The following RAMP1 variants were observed in gnomAD, a reference collection of about 807,000 sequenced individuals.
RAMP1 encodes the protein receptor activity-modifying protein 1.
A neutral mutation model predicts 8.2 loss-of-function variants in RAMP1; 7 were observed. That is an observed-to-expected ratio of 0.85 (90% CI 0.49 to 1.60). RAMP1 has a LOEUF of 1.60. Ranked by LOEUF, RAMP1 falls within the 40% of genes most tolerant of loss-of-function variation. The probability of loss-of-function intolerance (pLI) is 0.00; values close to 1 mark genes in which losing one functional copy is unlikely to be tolerated. For missense variants in RAMP1, 192 were observed against 202.4 expected (o/e 0.95, Z 0.31); for synonymous variants, 92 against 84.7 (o/e 1.09, Z -0.47).
intron 2 of RAMP1, among the ~76,000 whole-genome samples, chr2:237,910,328 TACAGAGAATAACACAGTCACACACAC>T (rs1169907348): frequency 1.4e-5 from 2 of 143,978 alleles, no homozygotes; most frequent in Non-Finnish European, 3.0e-5. Flanking sequence ...GGGACACACA[TACAGAGAATAACACAGTCACACACAC>T]ACACAATCAC....
chr2:237,877,977 G>A lies in RAMP1; in HGVS notation c.191+615G>A, dbSNP rs2062327089. 1.0e-6 allele frequency: 1 copy of A among 985,314 alleles called. No individual in the cohort carries two copies. Among genetic ancestry groups the A allele is most frequent in the Admixed American group, 6.1e-5 (1 of 16,274 alleles). The allele number at this position is 985,314 out of a possible 1,614,324, so 61.0% of individuals were successfully genotyped here. A position where few individuals can be genotyped will look rare whatever the true frequency, so the allele number is the denominator to read the frequency against. On this transcript the variant is annotated intron_variant, in intron 2 of 2. Coordinates refer to ENST00000254661, the MANE Select transcript of RAMP1 (RefSeq NM_005855.4). The surrounding 1 kb of genome is among the most constrained non-coding windows in gnomAD (Gnocchi z 4.4). ...GCTGGGCCCCCATCAGCAGGCCGGG[G>A]GGTTCTCCCCAGCAGGCCCAGGCTC... is the stretch of plus-strand genomic sequence containing the variant.
chr2:237,891,393 G>A (rs545695036), intron 2 of RAMP1, among the ~76,000 whole-genome samples: 3 of 152,140 alleles, frequency 2.0e-5, no homozygotes, highest in African/African-American at 7.2e-5. Flanking sequence ...CTCGTGATCC[G>A]CCTGCCTCGG....
chr2:237,885,609 T>A (rs2062420020), intron 2 of RAMP1, among the ~76,000 whole-genome samples: 1 of 152,218 alleles, frequency 6.6e-6, no homozygotes, highest in African/African-American at 2.4e-5. Flanking sequence ...CAGATGGCAG[T>A]GCCCAGCACA....
chr2:237,901,498 G>A (rs901592965), intron 2 of RAMP1, among the ~76,000 whole-genome samples: 1 of 152,246 alleles, frequency 6.6e-6, no homozygotes, highest in Non-Finnish European at 1.5e-5. Context: ...GGGTGGCCTT[G>A]TGAAGATGAG....
intron 2 of RAMP1, among the ~76,000 whole-genome samples, chr2:237,904,493 A>G (rs1409304510): frequency 1.3e-5 from 2 of 152,210 alleles, no homozygotes; most frequent in African/African-American, 4.8e-5. Context: ...CTGTAATCCC[A>G]GCTATTCTGG....
chr2:237,875,164 A>T (rs997565399), intron 1 of RAMP1, among the ~76,000 whole-genome samples: 5 of 151,898 alleles, frequency 3.3e-5, no homozygotes, highest in African/African-American at 1.2e-4. Context: ...GGGCTTTCCT[A>T]GGGGGCATCT....
intron 1 of RAMP1, among the ~76,000 whole-genome samples, chr2:237,872,059 A>G (rs1455729992): frequency 6.6e-6 from 1 of 152,254 alleles, no homozygotes; most frequent in Non-Finnish European, 1.5e-5. Flanking sequence ...TACTACAGTC[A>G]CGACCATCTT....
Position 237,911,033 on chromosome 2 carries a change from CTG to C in RAMP1, c.192-493_192-492del, listed in dbSNP as rs374720436. Among the ~76,000 whole-genome samples the C allele has an allele frequency of 4.5e-3, 679 of 152,168 alleles. 10 individuals are homozygous for C. Among genetic ancestry groups the C allele is most frequent in the African/African-American group, 0.015 (613 of 41,530 alleles). On this transcript the variant is annotated intron_variant, in intron 2 of 2. Coordinates refer to ENST00000254661, the MANE Select transcript of RAMP1 (RefSeq NM_005855.4). ...ACACACGGTCACACAGAGAATAACA[CTG>C]TCACACATTGAATAACAGTCACACA...
At chr2:237,875,469 C>T (rs2062293149) in intron 1 of RAMP1, among the ~76,000 whole-genome samples, 1 of 151,986 alleles carries the variant, frequency 6.6e-6, no homozygotes, top group Non-Finnish European at 1.5e-5. Flanking sequence ...CAATGCTGGG[C>T]ACTCATGCCA....
intron 2 of RAMP1, among the ~76,000 whole-genome samples, chr2:237,901,144 A>G (rs1252135687): frequency 2.0e-5 from 3 of 152,246 alleles, no homozygotes; most frequent in Non-Finnish European, 4.4e-5. Flanking sequence ...GGCCTGGGCC[A>G]GGTCTGCTGG....
chr2:237,905,496 G>A (rs1440832610), intron 2 of RAMP1, among the ~76,000 whole-genome samples: 4 of 152,198 alleles, frequency 2.6e-5, no homozygotes, highest in South Asian at 2.1e-4. Context: ...TGGCCTCGGC[G>A]TGGGTTCTGT....
chr2:237,877,981 T>C lies in RAMP1; in HGVS notation c.191+619T>C, dbSNP rs1378218464. On this transcript the variant is annotated intron_variant, in intron 2 of 2. Coordinates refer to ENST00000254661, the MANE Select transcript of RAMP1 (RefSeq NM_005855.4). The surrounding 1 kb of genome is among the most constrained non-coding windows in gnomAD (Gnocchi z 4.4). The stretch of plus-strand genomic sequence containing the variant: ...GGCCCCCATCAGCAGGCCGGGGGGT[T>C]CTCCCCAGCAGGCCCAGGCTCCTCT... 8 of 985,182 alleles carry C rather than the reference T, an allele frequency of 8.1e-6. No homozygotes were observed. The highest frequency in any genetic ancestry group is 6.1e-5 in the Admixed American group (1 of 16,264). 61.0% of individuals were successfully genotyped at this position (985,182 alleles called of 1,614,324 possible).
intron 2 of RAMP1, among the ~76,000 whole-genome samples, chr2:237,902,146 G>A (rs2062605014): frequency 6.6e-6 from 1 of 152,078 alleles, no homozygotes; most frequent in African/African-American, 2.4e-5. Flanking sequence ...CTTCGCGGGG[G>A]ATGCCTCTCC....
At chr2:237,860,731 C>T (rs2062125227) in intron 1 of RAMP1, among the ~76,000 whole-genome samples, 1 of 152,136 alleles carries the variant, frequency 6.6e-6, no homozygotes, top group Non-Finnish European at 1.5e-5. Flanking sequence ...AGGCACCTGC[C>T]GCACAAGACC....
At chr2:237,893,250 G>T (rs2062504008) in intron 2 of RAMP1, among the ~76,000 whole-genome samples, 1 of 152,228 alleles carries the variant, frequency 6.6e-6, no homozygotes, top group African/African-American at 2.4e-5. Flanking sequence ...AGAAGGGATT[G>T]TGATTTATGT....
At chr2:237,909,558 G>A (rs2062688733) in intron 2 of RAMP1, among the ~76,000 whole-genome samples, 1 of 152,154 alleles carries the variant, frequency 6.6e-6, no homozygotes, top group Non-Finnish European at 1.5e-5. Flanking sequence ...GGTCACAGGG[G>A]GTTGGAGGGA....
At chr2:237,859,769 G>T (rs1249888286) in intron 1 of RAMP1, 42 bp downstream of exon 1, 2 of 1,432,082 alleles carry the variant, frequency 1.4e-6, no homozygotes, top group African/African-American at 1.5e-5. Context: ...CCTTCCCCTG[G>T]CCAGCCGGTG....
At position 237,877,178 on chromosome 2, in the gene RAMP1, G is replaced by T. The variant is rs2062315029; in HGVS notation, c.53-46G>T. Reference sequence around the variant, plus strand: ...CGCGGGCTGGCGGTGATACCCCTAGGCCTCTGCTGCCGCCCGCCATCTCTT... The same window carrying T: ...CGCGGGCTGGCGGTGATACCCCTAGTCCTCTGCTGCCGCCCGCCATCTCTT... On this transcript the variant is annotated intron_variant, in intron 1 of 2. Transcript: ENST00000254661. The surrounding 1 kb of genome is among the most constrained non-coding windows in gnomAD (Gnocchi z 4.4). The T allele has an allele frequency of 6.2e-7, 1 of 1,611,396 alleles. No homozygotes were observed.
intron 2 of RAMP1, among the ~76,000 whole-genome samples, chr2:237,910,733 AACAC>A (rs1186618797): frequency 6.6e-6 from 1 of 151,986 alleles, no homozygotes; most frequent in Non-Finnish European, 1.5e-5. Flanking sequence ...GAATAACAGT[AACAC>A]ACAGTCACAC....
Sources: gnomAD v4.1 joint callset for allele counts (sites outside exome capture counted in the v4.1 genomes callset) on GRCh38, gnomAD v4.1.1 for gene constraint, Gnocchi (gnomAD v3.1) non-coding constraint, MANE v1.5 for transcripts, NCBI Gene and HGNC (gene_info 2026-07-23, HGNC 2026-07-21) for gene names.